TPD52L1: variants seen among roughly 807,000 people sequenced by gnomAD.
TPD52L1 encodes TPD52 like 1, also known as tumor protein D53.
TPD52L1 carries 18 observed loss-of-function variants against 28.7 expected under a neutral mutation model. The observed-to-expected ratio is 0.63, with a 90% CI of 0.43 to 0.93. The LOEUF (loss-of-function observed/expected upper bound fraction) is 0.93, where lower values mean the gene tolerates loss of function less well. Ranked by LOEUF, TPD52L1 falls within the 40% of genes least tolerant of loss-of-function variation. The probability of loss-of-function intolerance (pLI) is 0.00; values close to 1 mark genes in which losing one functional copy is unlikely to be tolerated. For missense variants in TPD52L1, 203 were observed against 254.8 expected (o/e 0.80, Z 1.39); for synonymous variants, 75 against 88.8 (o/e 0.84, Z 0.88).
chr6:125,225,319 T>A (rs764152500), intron 2 of TPD52L1, among the ~76,000 whole-genome samples: 35 of 152,220 alleles, frequency 2.3e-4, no homozygotes, highest in Admixed American at 6.5e-4. Context: ...TGTGTGTCCA[T>A]GTATTTGTTT....
intron 1 of TPD52L1, among the ~76,000 whole-genome samples, chr6:125,159,703 C>A (rs1482869251): frequency 6.6e-6 from 1 of 152,108 alleles, no homozygotes. Context: ...AGATGTATTT[C>A]TTAAATAATA....
At chr6:125,185,303 A>G (rs1792524743) in intron 1 of TPD52L1, among the ~76,000 whole-genome samples, 1 of 152,206 alleles carries the variant, frequency 6.6e-6, no homozygotes, top group Admixed American at 6.5e-5. Flanking sequence ...TAGTAGGTAT[A>G]TATCACAGAA....
At chr6:125,185,050 A>G (rs972035430) in intron 1 of TPD52L1, among the ~76,000 whole-genome samples, 1 of 152,184 alleles carries the variant, frequency 6.6e-6, no homozygotes, top group African/African-American at 2.4e-5. Context: ...CAAACAAAAT[A>G]AAAACACTAA....
chr6:125,188,451 A>C (rs2114847889), intron 1 of TPD52L1, among the ~76,000 whole-genome samples: 1 of 152,318 alleles, frequency 6.6e-6, no homozygotes. Context: ...GTGAAACAAT[A>C]AAATTAAATA....
intron 4 of TPD52L1, chr6:125,248,597 T>A: frequency 2.0e-6 from 1 of 507,760 alleles, no homozygotes; most frequent in Admixed American, 3.2e-5. Context: ...GTCCCAGAGT[T>A]GCTGTTTCTA....
chr6:125,155,966 A>G (rs1790090490), intron 1 of TPD52L1, among the ~76,000 whole-genome samples: 1 of 152,146 alleles, frequency 6.6e-6, no homozygotes, highest in South Asian at 2.1e-4. Context: ...AGATAGGTAA[A>G]AAGTAGCAAA....
intron 1 of TPD52L1, among the ~76,000 whole-genome samples, chr6:125,154,948 A>AG (rs60241466): frequency 2.6e-5 from 4 of 151,560 alleles, no homozygotes; most frequent in East Asian, 3.9e-4. Context: ...AAAAAAAAAA[A>AG]GGTTCATGAC....
In TPD52L1 at chr6:125,156,348, C is replaced by A. The variant is rs1790118181; in HGVS notation, c.19+2378C>A. Among the ~76,000 whole-genome samples, 3 of 151,628 alleles carry A rather than the reference C, an allele frequency of 2.0e-5. No homozygotes were observed. In the South Asian group the frequency reaches 6.3e-4, roughly 32 times the overall value. On this transcript the variant is annotated intron_variant, in intron 1 of 6. Transcript: ENST00000534000. ...GAGTGTGGTGGCATGTGCCTGTAGGCCTAGCTACTTGGAAGGCTGGAGTGG... is the reference window on the plus strand; with the variant it reads ...GAGTGTGGTGGCATGTGCCTGTAGGACTAGCTACTTGGAAGGCTGGAGTGG...
At chr6:125,172,102 T>A in intron 1 of TPD52L1, among the ~76,000 whole-genome samples, 1 of 54,018 alleles carries the variant, frequency 1.9e-5, no homozygotes, top group Admixed American at 2.1e-4. Flanking sequence ...TTCTTTCCCT[T>A]TCTTTCTTTC....
chr6:125,181,050 G>A (rs1232599032), intron 1 of TPD52L1, among the ~76,000 whole-genome samples: 2 of 152,144 alleles, frequency 1.3e-5, no homozygotes, highest in Admixed American at 6.5e-5. Flanking sequence ...AGTTGGGTTC[G>A]AGCCTACAGT....
At chr6:125,256,967 G>C in intron 5 of TPD52L1, 131 bp from the exon 6 acceptor site, 2 of 666,346 alleles carry the variant, frequency 3.0e-6, no homozygotes, top group Non-Finnish European at 5.1e-6. Context: ...AACGTGGTTG[G>C]TGCAGGTGGC....
At chr6:125,199,493 C>T (rs1793663694) in intron 1 of TPD52L1, among the ~76,000 whole-genome samples, 1 of 152,186 alleles carries the variant, frequency 6.6e-6, no homozygotes, top group South Asian at 2.1e-4. Context: ...CAAGACCAGC[C>T]TGACCAACAT....
intron 6 of TPD52L1, 56 bp downstream of exon 6, chr6:125,257,214 C>G: frequency 6.7e-7 from 1 of 1,492,468 alleles, no homozygotes; most frequent in Non-Finnish European, 9.3e-7. Context: ...ACAGCTTAGC[C>G]ATTGCTGCGG....
At chr6:125,207,898 A>T (rs1172817453) in intron 1 of TPD52L1, among the ~76,000 whole-genome samples, 1 of 152,172 alleles carries the variant, frequency 6.6e-6, no homozygotes, top group Non-Finnish European at 1.5e-5. Context: ...CCACCTGCCT[A>T]ATGTGTTTCT....
intron 3 of TPD52L1, among the ~76,000 whole-genome samples, chr6:125,235,113 T>TAATAATAATAAC (rs1277174288): frequency 6.7e-6 from 1 of 149,018 alleles, no homozygotes; most frequent in African/African-American, 2.5e-5. Context: ...ATAATAATAA[T>TAATAATAATAAC]AATAATAATA....
At chr6:125,261,006 GAAAGAAAGAAAGAAAAGAA>G in intron 6 of TPD52L1, 1 of 44,314 alleles carries the variant, frequency 2.3e-5, no homozygotes. Flanking sequence ...AAGAAAGAAA[GAAAGAAAGAAAGAAAAGAA>G]AAGAAAGAAA....
At position 125,185,894 on chromosome 6, in the gene TPD52L1, A is replaced by ATTTTTTTTT. The variant is rs536833440; in HGVS notation, c.19+31933_19+31941dup. Among the ~76,000 whole-genome samples the ATTTTTTTTT allele has an allele frequency of 1.7e-4, 22 of 130,454 alleles. 2 individuals carry two copies. The East Asian group carries it at 2.4e-3, about 14-fold the overall frequency. 85.6% of individuals were successfully genotyped at this position (130,454 alleles called of 152,430 possible). On this transcript the variant is annotated intron_variant, in intron 1 of 6. Coordinates refer to ENST00000534000, the MANE Select transcript of TPD52L1 (RefSeq NM_003287.4). ...CCATGTATAACTTTTTGGAAATTTG[A>ATTTTTTTTT]TTTTTTTTTTTTTTTTTGAGACAGA...
intron 1 of TPD52L1, among the ~76,000 whole-genome samples, chr6:125,173,026 T>C (rs550563449): frequency 6.6e-6 from 1 of 152,210 alleles, no homozygotes; most frequent in African/African-American, 2.4e-5. Context: ...AAATAATACA[T>C]TGACTCTGGG....
intron 1 of TPD52L1, among the ~76,000 whole-genome samples, chr6:125,188,277 T>C (rs1792783875): frequency 6.6e-6 from 1 of 152,200 alleles, no homozygotes; most frequent in African/African-American, 2.4e-5. Flanking sequence ...CACATTTTTA[T>C]CCTTCAGTGG....
Sources: allele counts gnomAD v4.1 joint callset (sites outside exome capture counted in the v4.1 genomes callset), GRCh38; gene constraint gnomAD v4.1.1; transcripts MANE v1.5; gene names NCBI Gene and HGNC (gene_info 2026-07-23, HGNC 2026-07-21).